CACNA1C: variants seen among roughly 807,000 people sequenced by gnomAD.
The protein encoded by CACNA1C is voltage-dependent L-type calcium channel subunit alpha-1C.
CACNA1C carries 30 observed loss-of-function variants against 229.0 expected under a neutral mutation model. That is an observed-to-expected ratio of 0.13 (90% CI 0.10 to 0.18). The LOEUF (loss-of-function observed/expected upper bound fraction) is 0.18, where lower values mean the gene tolerates loss of function less well. Ranked by LOEUF, CACNA1C falls within the 10% of genes least tolerant of loss-of-function variation. The pLI, the probability that CACNA1C is intolerant of heterozygous loss-of-function variation, is 1.00. For synonymous variants in CACNA1C, 1,114 were observed against 1,132.5 expected (o/e 0.98, Z 0.33); for missense variants, 1,658 against 2,845.0 (o/e 0.58, Z 9.49).
rs752895735 is a variant in CACNA1C at position 2,117,949 on chromosome 12, G to A, written c.372-2376G>A. 4.4e-4 allele frequency among the ~76,000 whole-genome samples: 67 copies of A among 152,202 alleles called. 1 individual carries two copies. The highest frequency in any genetic ancestry group is 1.6e-3 in the Admixed American group (25 of 15,288). ...GCCAGCCAGTTCTTCTTGAAGAAGT[G>A]GAATCCGACCCTGTCATTAGGAAGG... On this transcript the variant is annotated intron_variant, in intron 2 of 46. Coordinates refer to ENST00000399655, the MANE Select transcript of CACNA1C (RefSeq NM_000719.7).
intron 1 of CACNA1C, among the ~76,000 whole-genome samples, chr12:1,979,240 C>T (rs894842769): frequency 1.3e-5 from 2 of 152,182 alleles, no homozygotes; most frequent in Non-Finnish European, 2.9e-5. Flanking sequence ...TCTCAAACTC[C>T]TGACCTCAGG....
chr12:2,127,164 G>A (rs147980528), intron 3 of CACNA1C, among the ~76,000 whole-genome samples: 72 of 152,316 alleles, frequency 4.7e-4, no homozygotes, highest in African/African-American at 1.7e-3. Context: ...CTGCTCAGGA[G>A]GTGCCTGTCA....
intron 3 of CACNA1C, among the ~76,000 whole-genome samples, chr12:2,358,720 G>A (rs572021927): frequency 3.9e-5 from 6 of 152,264 alleles, no homozygotes; most frequent in African/African-American, 9.6e-5. Flanking sequence ...AGAACAGTGC[G>A]CACGCCCACA....
rs2058109824 is a variant in CACNA1C, at chr12:2,575,629, G to GA, written c.1896-5958dup. ...TTTTAACAATAGATCACTTGCCACC[G>GA]AAACTAAGAATTTTTTTTTAGCCTT... is the stretch of plus-strand genomic sequence containing the variant. On this transcript the variant is annotated intron_variant, in intron 13 of 46. Coordinates refer to ENST00000399655, the MANE Select transcript of CACNA1C (RefSeq NM_000719.7). The surrounding 1 kb of genome is among the most constrained non-coding windows in gnomAD (Gnocchi z 4.0). Among the ~76,000 whole-genome samples the GA allele has an allele frequency of 6.6e-6, 1 of 152,136 alleles. No homozygotes were observed. The highest frequency in any genetic ancestry group is 1.5e-5 in the Non-Finnish European group (1 of 68,024).
chr12:2,203,953 G>T (rs553899058), intron 3 of CACNA1C, among the ~76,000 whole-genome samples: 270 of 152,304 alleles, frequency 1.8e-3, no homozygotes, highest in African/African-American at 6.4e-3. Context: ...GGACCAGGAG[G>T]CTCTGCAGTC....
intron 3 of CACNA1C, among the ~76,000 whole-genome samples, chr12:2,371,235 A>G (rs2097856314): frequency 2.0e-5 from 3 of 152,158 alleles, no homozygotes; most frequent in Non-Finnish European, 2.9e-5. Context: ...TCATCTTGCA[A>G]AATGGTGAGC....
At position 2,695,162 on chromosome 12, in the gene CACNA1C, C is replaced by T. The variant is rs866630436; in HGVS notation, c.*3963C>T. 1 of 152,202 alleles carries T rather than the reference C, an allele frequency of 6.6e-6. No homozygotes were observed. Among genetic ancestry groups the T allele is most frequent in the African/African-American group, 2.4e-5 (1 of 41,426 alleles). 9.4% of individuals were successfully genotyped at this position (152,202 alleles called of 1,614,324 possible). A position where few individuals can be genotyped will look rare whatever the true frequency, so the allele number is the denominator to read the frequency against. On this transcript the variant is annotated 3_prime_UTR_variant, in exon 47 of 47. Coordinates refer to ENST00000399655, the MANE Select transcript of CACNA1C (RefSeq NM_000719.7). Reference sequence around the variant, plus strand: ...GACCTGCCTCTGGGGCAAATGTCAGCACAGAGAGGACTGGGAGGAGAATGG... The same window carrying T: ...GACCTGCCTCTGGGGCAAATGTCAGTACAGAGAGGACTGGGAGGAGAATGG...
chr12:2,331,141 C>T (rs1169493120), intron 3 of CACNA1C, among the ~76,000 whole-genome samples: 1 of 152,116 alleles, frequency 6.6e-6, no homozygotes, highest in Non-Finnish European at 1.5e-5. Context: ...ACCCTAATAA[C>T]ATTTGGAAGT....
chr12:2,496,197 T>G (rs1188696720), intron 7 of CACNA1C, among the ~76,000 whole-genome samples: 4 of 152,346 alleles, frequency 2.6e-5, no homozygotes, highest in African/African-American at 9.6e-5. Flanking sequence ...GGCTGGAGTT[T>G]GAAAACGCTG....
intron 30 of CACNA1C, among the ~76,000 whole-genome samples, chr12:2,640,612 GC>G (rs1010845554): frequency 6.6e-5 from 10 of 152,194 alleles, no homozygotes; most frequent in Admixed American, 1.3e-4. Context: ...GAGGAGGGGG[GC>G]CAGAAGGAGC....
In CACNA1C at chr12:2,147,041, A is replaced by G. The variant is rs2094780110; in HGVS notation, c.477+26611A>G. On this transcript the variant is annotated intron_variant, in intron 3 of 46. Transcript: ENST00000399655. ...ACCCCCCCAATTATCAAAGCAAATCAATGTCACTCTAAGTCATATCTCCAT... is the reference window on the plus strand; with the variant it reads ...ACCCCCCCAATTATCAAAGCAAATCGATGTCACTCTAAGTCATATCTCCAT... Among the ~76,000 whole-genome samples the G allele has an allele frequency of 2.6e-5, 4 of 150,952 alleles. 1 individual carries two copies. Among genetic ancestry groups the G allele is most frequent in the Non-Finnish European group, 5.9e-5 (4 of 67,484 alleles).
chr12:2,019,666 G>A (rs1463453093), intron 1 of CACNA1C, among the ~76,000 whole-genome samples: 2 of 152,088 alleles, frequency 1.3e-5, no homozygotes, highest in African/African-American at 4.8e-5. Flanking sequence ...ATGTAACATG[G>A]TATTTTTGTG....
At chr12:2,019,750 T>A (rs547611670) in intron 1 of CACNA1C, among the ~76,000 whole-genome samples, 13 of 152,220 alleles carry the variant, frequency 8.5e-5, no homozygotes, top group Non-Finnish European at 1.8e-4. Context: ...CCATAATATG[T>A]TAAGTATTTT....
chr12:2,526,733 T>C lies in CACNA1C; in HGVS notation c.1390+13749T>C, dbSNP rs147047602. On this transcript the variant is annotated intron_variant, in intron 9 of 46. Coordinates refer to ENST00000399655, the MANE Select transcript of CACNA1C (RefSeq NM_000719.7). ...GGTCTCCGGTGAAGGTAGACTGGAG[T>C]GATAGAGTAGCATGTTCACTTCTAC... is the stretch of plus-strand genomic sequence containing the variant. Among the ~76,000 whole-genome samples, 58 of 152,030 alleles carry C rather than the reference T, an allele frequency of 3.8e-4. 1 individual carries two copies. The East Asian group carries it at 0.01, about 27-fold the overall frequency.
At chr12:2,609,728 C>G (rs1224401963) in intron 27 of CACNA1C, among the ~76,000 whole-genome samples, 1 of 151,968 alleles carries the variant, frequency 6.6e-6, no homozygotes, top group Non-Finnish European at 1.5e-5. Flanking sequence ...GAGAAATGGA[C>G]TGGCTCTTTG....
At chr12:2,563,167 T>C (rs1392520165) in intron 11 of CACNA1C, among the ~76,000 whole-genome samples, 2 of 152,246 alleles carry the variant, frequency 1.3e-5, no homozygotes, top group East Asian at 3.8e-4. Flanking sequence ...TCACTTAATA[T>C]AATGGCCTCC....
At chr12:2,550,433 A>C (rs570678957) in intron 10 of CACNA1C, 1 of 909,076 alleles carries the variant, frequency 1.1e-6, no homozygotes, top group Admixed American at 2.5e-5. Flanking sequence ...CCTGCTGGCC[A>C]CCCTTTCCAT....
Position 2,138,509 on chromosome 12 carries a change from C to A in CACNA1C, c.477+18079C>A, listed in dbSNP as rs1370278643. 1.3e-5 allele frequency among the ~76,000 whole-genome samples: 2 copies of A among 151,028 alleles called. 1 individual carries two copies. Among genetic ancestry groups the A allele is most frequent in the Non-Finnish European group, 3.0e-5 (2 of 67,518 alleles). ...GGACGGGCCTTGTGGGAGAAGGTGT[C>A]GAAGGCCAGGGTGTGGCTCCGAGTC... On this transcript the variant is annotated intron_variant, in intron 3 of 46. Coordinates refer to ENST00000399655, the MANE Select transcript of CACNA1C (RefSeq NM_000719.7).
intron 9 of CACNA1C, among the ~76,000 whole-genome samples, 171 bp from the exon 10 acceptor site, chr12:2,549,772 C>G (rs924454543): frequency 2.0e-5 from 3 of 152,214 alleles, no homozygotes; most frequent in African/African-American, 7.2e-5. Context: ...GGACAACCAG[C>G]AGATGTGTCC....
Sources: allele counts gnomAD v4.1 joint callset (sites outside exome capture counted in the v4.1 genomes callset), GRCh38; gene constraint gnomAD v4.1.1; non-coding constraint Gnocchi (gnomAD v3.1); transcripts MANE v1.5; gene names NCBI Gene and HGNC (gene_info 2026-07-23, HGNC 2026-07-21).